The following ADK variants were observed in gnomAD, a reference collection of about 807,000 sequenced individuals.
ADK encodes adenosine kinase, also known as N6,N6-dimethyladenosine kinase.
Under a neutral mutation model 44.7 loss-of-function variants are expected in ADK, and 24 were observed. That is an observed-to-expected ratio of 0.54 (90% CI 0.39 to 0.76). ADK has a LOEUF of 0.76. Among genes scored for constraint, ADK ranks in the 30% least tolerant of loss-of-function variants. The pLI is 0.00. For missense variants in ADK, 321 were observed against 425.1 expected, an observed-to-expected ratio of 0.76 and a Z score of 2.15; for synonymous variants, 128 against 142.6, an observed-to-expected ratio of 0.90 and a Z score of 0.73.
At chr10:74,487,601 C>A (rs1036992256) in intron 6 of ADK, among the ~76,000 whole-genome samples, 2 of 151,352 alleles carry the variant, frequency 1.3e-5, no homozygotes, top group Non-Finnish European at 2.9e-5. Flanking sequence ...AATTGTGTAA[C>A]CTGTAGAAAC....
chr10:74,231,755 C>T (rs1306270457), intron 3 of ADK, among the ~76,000 whole-genome samples: 2 of 148,436 alleles, frequency 1.3e-5, no homozygotes, highest in East Asian at 2.0e-4. Context: ...TGTGAGCCAC[C>T]ATGCCTGGCC....
chr10:74,159,488 T>A (rs988640435), intron 1 of ADK, among the ~76,000 whole-genome samples: 29 of 152,218 alleles, frequency 1.9e-4, no homozygotes, highest in Non-Finnish European at 4.0e-4. Flanking sequence ...AAGTGGTCAC[T>A]TGGCTACTTG....
At chr10:74,169,880 G>A (rs1842116015) in intron 1 of ADK, among the ~76,000 whole-genome samples, 1 of 152,074 alleles carries the variant, frequency 6.6e-6, no homozygotes, top group Non-Finnish European at 1.5e-5. Context: ...GAACTTAAAG[G>A]AACCTGAGAT....
chr10:74,167,946 G>T (rs1207213644), intron 1 of ADK, among the ~76,000 whole-genome samples: 1 of 152,104 alleles, frequency 6.6e-6, no homozygotes, highest in South Asian at 2.1e-4. Context: ...AATTTTCATA[G>T]TTCAATTTGA....
intron 3 of ADK, among the ~76,000 whole-genome samples, chr10:74,306,564 A>G (rs766968192): frequency 6.6e-6 from 1 of 152,126 alleles, no homozygotes; most frequent in South Asian, 2.1e-4. Flanking sequence ...GTTTATTATT[A>G]TTTACCAACA....
intron 1 of ADK, among the ~76,000 whole-genome samples, chr10:74,186,769 T>C (rs1842782137): frequency 6.6e-6 from 1 of 152,252 alleles, no homozygotes; most frequent in African/African-American, 2.4e-5. Context: ...TAATATTTTT[T>C]AGATTCACCC....
At chr10:74,170,810 A>G (rs1184058886) in intron 1 of ADK, among the ~76,000 whole-genome samples, 2 of 151,286 alleles carry the variant, frequency 1.3e-5, no homozygotes, top group African/African-American at 4.8e-5. Flanking sequence ...AAAAAAAAAA[A>G]AAAAAGAAAA....
Position 74,160,285 on chromosome 10 carries a change from G to C in ADK, c.65+8942G>C, listed in dbSNP as rs539218521. Among the ~76,000 whole-genome samples, 5 of 152,120 alleles carry C rather than the reference G, an allele frequency of 3.3e-5. No homozygotes were observed. In the South Asian group the frequency reaches 1.0e-3, roughly 32 times the overall value. The stretch of plus-strand genomic sequence containing the variant: ...CGTCCCTTTTCATGACAGTGTCCTG[G>C]AAGTTACCACCCTTTTCCTAGAAAT... On this transcript the variant is annotated intron_variant, in intron 1 of 10. Transcript: ENST00000539909.
intron 1 of ADK, among the ~76,000 whole-genome samples, chr10:74,155,937 T>C (rs1431501819): frequency 6.6e-6 from 1 of 152,238 alleles, no homozygotes; most frequent in East Asian, 1.9e-4. Context: ...TTGGATGATA[T>C]TGCATGCCTT....
At chr10:74,528,227 C>T (rs922904137) in intron 7 of ADK, 2 of 436,106 alleles carry the variant, frequency 4.6e-6, no homozygotes, top group African/African-American at 2.0e-5. Flanking sequence ...AAGTAAAAAT[C>T]TCGATGTAAA....
chr10:74,391,020 C>T (rs1013730603), intron 4 of ADK, among the ~76,000 whole-genome samples: 2 of 152,050 alleles, frequency 1.3e-5, no homozygotes, highest in African/African-American at 4.8e-5. Flanking sequence ...ACCTAGTTCC[C>T]AACAGCATCA....
At position 74,254,608 on chromosome 10, in the gene ADK, T is replaced by TA. The variant is rs896021406; in HGVS notation, c.194+30027dup. On this transcript the variant is annotated intron_variant, in intron 3 of 10. Transcript: ENST00000539909. ...TAACACACTTCAAAAAGTTGACAGTTAAAAAAAAAAGAATAGCCCTTGTTA... is the reference window on the plus strand; with the variant it reads ...TAACACACTTCAAAAAGTTGACAGTTAAAAAAAAAAAGAATAGCCCTTGTTA... Among the ~76,000 whole-genome samples, 330 of 148,352 alleles carry TA rather than the reference T, an allele frequency of 2.2e-3. 2 individuals carry two copies. The highest frequency in any genetic ancestry group is 7.6e-3 in the African/African-American group (309 of 40,606).
chr10:74,491,622 A>G (rs867208916), intron 6 of ADK, among the ~76,000 whole-genome samples: 1 of 152,216 alleles, frequency 6.6e-6, no homozygotes, highest in Non-Finnish European at 1.5e-5. Flanking sequence ...AATTTGTGAC[A>G]TAAACCAATA....
At chr10:74,362,592 A>G (rs748253462) in intron 4 of ADK, among the ~76,000 whole-genome samples, 5 of 152,128 alleles carry the variant, frequency 3.3e-5, no homozygotes, top group African/African-American at 4.8e-5. Context: ...GTATTTCCCT[A>G]AATGTTCTCA....
intron 4 of ADK, among the ~76,000 whole-genome samples, chr10:74,325,328 T>C (rs555931947): frequency 1.3e-5 from 2 of 152,346 alleles, no homozygotes; most frequent in East Asian, 1.9e-4. Flanking sequence ...TTTGTATGTT[T>C]ATTTTGTGTC....
At position 74,489,754 on chromosome 10, in the gene ADK, C is replaced by T. The variant is rs185163244; in HGVS notation, c.556-35502C>T. On this transcript the variant is annotated intron_variant, in intron 6 of 10. Transcript: ENST00000539909. ...TGTACAAAACTACTTAATGATAACT[C>T]ACAAAATTAAACCAATTTATATTTT... is the stretch of plus-strand genomic sequence containing the variant. 4.6e-5 allele frequency among the ~76,000 whole-genome samples: 7 copies of T among 151,684 alleles called. No individual in the cohort carries two copies. In the East Asian group the frequency reaches 1.4e-3, roughly 29 times the overall value.
In ADK at chr10:74,218,078, G is replaced by A. The variant is rs572292639; in HGVS notation, c.141-6460G>A. 4.4e-3 allele frequency among the ~76,000 whole-genome samples: 674 copies of A among 152,058 alleles called. 2 individuals are homozygous for A. Among genetic ancestry groups the A allele is most frequent in the South Asian group, 0.012 (59 of 4,818 alleles). ...TTCAGACGATCAAACTACGAGCTAC[G>A]GGAGGAAATTCAAACCAAAGGCAAA... On this transcript the variant is annotated intron_variant, in intron 2 of 10. Coordinates refer to ENST00000539909, the MANE Select transcript of ADK (RefSeq NM_006721.4).
At chr10:74,607,541 GA>G (rs1852368876) in intron 9 of ADK, among the ~76,000 whole-genome samples, 1 of 152,152 alleles carries the variant, frequency 6.6e-6, no homozygotes, top group Non-Finnish European at 1.5e-5. Context: ...TTTTCTTTAA[GA>G]ATGTTGAATG....
chr10:74,291,233 G>A (rs769602555), intron 3 of ADK, among the ~76,000 whole-genome samples: 1 of 152,066 alleles, frequency 6.6e-6, no homozygotes, highest in African/African-American at 2.4e-5. Context: ...TGGCTAACAC[G>A]GTGAAACCCT....
Sources: allele counts gnomAD v4.1 joint callset (sites outside exome capture counted in the v4.1 genomes callset), GRCh38; gene constraint gnomAD v4.1.1; transcripts MANE v1.5; gene names NCBI Gene and HGNC (gene_info 2026-07-23, HGNC 2026-07-21).